The following TRPM3 variants were observed in gnomAD, a reference collection of about 807,000 sequenced individuals.
TRPM3 encodes long transient receptor potential channel 3.
TRPM3 carries 77 observed loss-of-function variants against 181.2 expected under a neutral mutation model. The observed-to-expected ratio is 0.42, with a 90% CI of 0.35 to 0.51. The LOEUF (loss-of-function observed/expected upper bound fraction) is 0.51. Ranked by LOEUF, TRPM3 falls within the 20% of genes least tolerant of loss-of-function variation. TRPM3 has a pLI of 0.01. For synonymous variants in TRPM3, 745 were observed against 796.4 expected (o/e 0.94, Z 1.09); for missense variants, 1,759 against 2,196.7 (o/e 0.80, Z 3.98).
intron 1 of TRPM3, among the ~76,000 whole-genome samples, chr9:70,898,747 C>CAAAAAAAAAAAAAAAAAAA (rs34952516): frequency 2.1e-5 from 2 of 93,352 alleles, no homozygotes; most frequent in African/African-American, 8.4e-5. Context: ...GACTTCATCT[C>CAAAAAAAAAAAAAAAAAAA]AAAAAAAAAA....
chr9:70,955,592 A>G (rs967684259), intron 1 of TRPM3, among the ~76,000 whole-genome samples: 1 of 152,176 alleles, frequency 6.6e-6, no homozygotes, highest in Non-Finnish European at 1.5e-5. Flanking sequence ...TAAGTGGTTT[A>G]TTCAAGGTCA....
chr9:70,869,399 A>G (rs1464784831), intron 1 of TRPM3, among the ~76,000 whole-genome samples: 1 of 134,728 alleles, frequency 7.4e-6, no homozygotes. Flanking sequence ...AAAGTGTGAT[A>G]AGGTGTTCTG....
intron 9 of TRPM3, among the ~76,000 whole-genome samples, chr9:70,670,587 A>G (rs1465350756): frequency 6.6e-6 from 1 of 152,274 alleles, no homozygotes; most frequent in Non-Finnish European, 1.5e-5. Context: ...GGATTCTCAC[A>G]TGTATGCTAG....
At chr9:71,203,776 G>A (rs961484664) in intron 1 of TRPM3, among the ~76,000 whole-genome samples, 8 of 152,120 alleles carry the variant, frequency 5.3e-5, no homozygotes, top group African/African-American at 1.9e-4. Flanking sequence ...AGTATTGGCT[G>A]TCATCATTCT....
At chr9:70,619,965 T>G in intron 16 of TRPM3, 111 bp downstream of exon 16, 1 of 1,038,506 alleles carries the variant, frequency 9.6e-7, no homozygotes, top group East Asian at 2.5e-5. Context: ...TGTGCATCAC[T>G]GGGGTGATAC....
intron 22 of TRPM3, among the ~76,000 whole-genome samples, chr9:70,584,906 A>G (rs2056787137): frequency 6.6e-6 from 1 of 152,168 alleles, no homozygotes; most frequent in African/African-American, 2.4e-5. Context: ...TTCCTGTACT[A>G]TATCTGGGGT....
At position 71,164,833 on chromosome 9, in the gene TRPM3, T is replaced by A. The variant is rs552089259; in HGVS notation, c.183+281820A>T. On this transcript the variant is annotated intron_variant, in intron 1 of 24. Transcript: ENST00000357533. ...TTATTCACTAGAGAACTGCTCTGAC[T>A]CTTACCTTTGGCAGGAATTGCTTTA... Among the ~76,000 whole-genome samples, 5 of 152,318 alleles carry A rather than the reference T, an allele frequency of 3.3e-5. No individual in the cohort carries two copies. In the South Asian group the frequency reaches 1.0e-3, roughly 32 times the overall value.
At chr9:71,141,615 T>C (rs1329776) in intron 1 of TRPM3, among the ~76,000 whole-genome samples, 35,806 of 152,138 alleles carry the variant, frequency 0.24, 4,922 homozygotes, top group African/African-American at 0.38. Context: ...AATGTGATTA[T>C]CTGTACAACG....
At chr9:71,322,600 C>G (rs1810062538) in intron 1 of TRPM3, among the ~76,000 whole-genome samples, 1 of 151,994 alleles carries the variant, frequency 6.6e-6, no homozygotes, top group Admixed American at 6.6e-5. Flanking sequence ...ATTTTAGGAG[C>G]AAGAATGAGT....
chr9:70,989,922 A>G (rs1023522385), intron 1 of TRPM3, among the ~76,000 whole-genome samples: 12 of 152,194 alleles, frequency 7.9e-5, no homozygotes, highest in Non-Finnish European at 1.8e-4. Context: ...CCTAACATTT[A>G]TTAAACACTT....
intron 21 of TRPM3, among the ~76,000 whole-genome samples, chr9:70,598,079 A>C (rs1015422207): frequency 6.6e-6 from 1 of 152,150 alleles, no homozygotes; most frequent in Non-Finnish European, 1.5e-5. Context: ...CATTTTTCAC[A>C]TGGTGTGGTA....
intron 1 of TRPM3, among the ~76,000 whole-genome samples, chr9:71,005,638 GA>G (rs535704501): frequency 7.3e-5 from 11 of 150,608 alleles, no homozygotes; most frequent in African/African-American, 1.2e-4. Flanking sequence ...GTACTGAGAG[GA>G]AAAAAAAACT....
chr9:71,423,756 C>T lies in TRPM3; in HGVS notation c.183+22897G>A, dbSNP rs557233202. Among the ~76,000 whole-genome samples, 7 of 152,172 alleles carry T rather than the reference C, an allele frequency of 4.6e-5. No individual in the cohort carries two copies. The East Asian group carries it at 1.2e-3, about 25-fold the overall frequency. ...CCCTCCTATTTGCCTGAAAGCAGAA[C>T]ATAAATTTACAAACCTTTCCCTTCT... On this transcript the variant is annotated intron_variant, in intron 1 of 24. Transcript: ENST00000357533.
chr9:71,041,263 A>T (rs748085064), intron 1 of TRPM3, among the ~76,000 whole-genome samples: 6 of 152,152 alleles, frequency 3.9e-5, no homozygotes, highest in Non-Finnish European at 7.4e-5. Context: ...GTAAAAATGG[A>T]AACATGAAAA....
intron 6 of TRPM3, among the ~76,000 whole-genome samples, chr9:70,803,767 C>T (rs575083992): frequency 6.8e-6 from 1 of 146,220 alleles, no homozygotes; most frequent in African/African-American, 2.7e-5. Context: ...CCTTTTTTAC[C>T]TATAGCAAGC....
intron 1 of TRPM3, among the ~76,000 whole-genome samples, chr9:71,175,581 G>T (rs949100802): frequency 2.6e-5 from 4 of 152,172 alleles, no homozygotes; most frequent in African/African-American, 7.2e-5. Context: ...TAGTGTCAGA[G>T]GGAAAGATCC....
intron 1 of TRPM3, among the ~76,000 whole-genome samples, chr9:71,234,085 T>C (rs1321073381): frequency 6.6e-6 from 1 of 152,144 alleles, no homozygotes; most frequent in East Asian, 1.9e-4. Flanking sequence ...GCTAATGAGG[T>C]TGCAGTCAAG....
intron 1 of TRPM3, among the ~76,000 whole-genome samples, chr9:71,288,023 T>A (rs377619001): frequency 6.6e-6 from 1 of 152,124 alleles, no homozygotes; most frequent in Non-Finnish European, 1.5e-5. Context: ...CAATTTAGAA[T>A]TGGACTCAGT....
At chr9:70,605,443 A>T (rs554403043) in intron 19 of TRPM3, among the ~76,000 whole-genome samples, 11 of 151,280 alleles carry the variant, frequency 7.3e-5, no homozygotes, top group African/African-American at 2.4e-4. Context: ...GTGCTGGCAC[A>T]CCCCCACCCC....
Sources: allele counts gnomAD v4.1 joint callset (sites outside exome capture counted in the v4.1 genomes callset), GRCh38; gene constraint gnomAD v4.1.1; transcripts MANE v1.5; gene names NCBI Gene and HGNC (gene_info 2026-07-23, HGNC 2026-07-21).